AUTS2: variants seen among roughly 807,000 people sequenced by gnomAD.
AUTS2 encodes activator of transcription and developmental regulator AUTS2, also known as autism susceptibility gene 2 protein.
A neutral mutation model predicts 112.4 loss-of-function variants in AUTS2; 17 were observed. The ratio of observed to expected loss-of-function variants is 0.15; its 90% CI spans 0.10 to 0.23. The LOEUF (loss-of-function observed/expected upper bound fraction) is 0.23. Ranked by LOEUF, AUTS2 falls within the 10% of genes least tolerant of loss-of-function variation. The probability of loss-of-function intolerance (pLI) is 1.00; values close to 1 mark genes in which losing one functional copy is unlikely to be tolerated. For synonymous variants in AUTS2, 751 were observed against 702.7 expected, an observed-to-expected ratio of 1.07 and a Z score of -1.09; for missense variants, 1,510 against 1,701.6, an observed-to-expected ratio of 0.89 and a Z score of 1.98.
intron 11 of AUTS2, among the ~76,000 whole-genome samples, chr7:70,773,798 G>A (rs1244784426): frequency 6.6e-6 from 1 of 152,232 alleles, no homozygotes; most frequent in Non-Finnish European, 1.5e-5. Context: ...GCAGTGAAAT[G>A]TTCTGGGGAC....
At chr7:70,745,004 T>C (rs1466813989) in intron 6 of AUTS2, among the ~76,000 whole-genome samples, 1 of 151,358 alleles carries the variant, frequency 6.6e-6, no homozygotes, top group Non-Finnish European at 1.5e-5. Flanking sequence ...CTCAGGAAAA[T>C]GGTGATTTCA....
Position 70,766,174 on chromosome 7 carries a change from G to T in AUTS2, c.1529G>T (p.Arg510Leu). The change falls in exon 9 of 19, where the codon CGC becomes CTC. Residue 510 changes from arginine (R) to leucine (L), a missense_variant. Around this residue, in one of 3 missense-constraint regions of AUTS2, gnomAD observed 187 missense variants for 309.7 expected, o/e 0.60. Coordinates refer to ENST00000342771, the MANE Select transcript of AUTS2 (RefSeq NM_015570.4). The surrounding 1 kb of genome is among the most constrained non-coding windows in gnomAD (Gnocchi z 4.8). ...TTTTTGGCCTCTCAGAGTGCTGACC[G>T]CGGGGCTTCCCTGGGCCCTCCGCCC... ...TRFLASQSAD[R>L]GASLGPPPYL... 6.2e-7 allele frequency: 1 copy of T among 1,614,092 alleles called. No homozygotes were observed. The highest frequency in any genetic ancestry group is 8.5e-7 in the Non-Finnish European group (1 of 1,180,030).
At chr7:70,175,901 AG>A (rs1808961768) in intron 4 of AUTS2, among the ~76,000 whole-genome samples, 1 of 152,178 alleles carries the variant, frequency 6.6e-6, no homozygotes, top group Admixed American at 6.5e-5. Flanking sequence ...GGAAACCAAA[AG>A]TTCATGGGAC....
rs1794893139 is a variant in AUTS2, at chr7:69,899,600, G to GT, written c.522+103dup. On this transcript the variant is annotated intron_variant, in intron 2 of 18. Coordinates refer to ENST00000342771, the MANE Select transcript of AUTS2 (RefSeq NM_015570.4). ...GTAACAGGTGGAGAAGATATCCTTGGTGGGATGCTGAAGTGGTTGTCCAAC... is the reference window on the plus strand; with the variant it reads ...GTAACAGGTGGAGAAGATATCCTTGGTTGGGATGCTGAAGTGGTTGTCCAAC... 28 of 1,103,604 alleles carry GT rather than the reference G, an allele frequency of 2.5e-5. No individual in the cohort carries two copies. In the South Asian group the frequency reaches 3.4e-4, roughly 13 times the overall value. 68.4% of individuals were successfully genotyped at this position (1,103,604 alleles called of 1,614,324 possible).
intron 2 of AUTS2, among the ~76,000 whole-genome samples, chr7:70,038,847 C>T (rs1007463483): frequency 6.6e-6 from 1 of 152,120 alleles, no homozygotes; most frequent in Non-Finnish European, 1.5e-5. Flanking sequence ...TAACCTCTGC[C>T]TCCCGGGTTC....
chr7:69,924,096 T>G (rs751329059), intron 2 of AUTS2, among the ~76,000 whole-genome samples: 2 of 152,206 alleles, frequency 1.3e-5, no homozygotes, highest in African/African-American at 2.4e-5. Context: ...TAGTGCCCTT[T>G]ATTAGGTTGA....
intron 4 of AUTS2, among the ~76,000 whole-genome samples, chr7:70,327,906 T>C (rs1790564318): frequency 6.6e-6 from 1 of 152,188 alleles, no homozygotes; most frequent in Non-Finnish European, 1.5e-5. Context: ...TACTTAGGTA[T>C]CTCCTGTAGC....
chr7:69,981,910 ATTTGTGCTTATC>A (rs1798310213), intron 2 of AUTS2, among the ~76,000 whole-genome samples: 2 of 152,132 alleles, frequency 1.3e-5, no homozygotes, highest in Admixed American at 6.5e-5. Context: ...TGACGGTTGC[ATTTGTGCTTATC>A]TTCTCTTAGT....
intron 2 of AUTS2, among the ~76,000 whole-genome samples, chr7:69,902,203 G>T (rs969386140): frequency 6.6e-6 from 1 of 152,118 alleles, no homozygotes; most frequent in Non-Finnish European, 1.5e-5. Flanking sequence ...CATCTGTTAT[G>T]TGATCATTGG....
chr7:70,722,291 C>CT, intron 6 of AUTS2, among the ~76,000 whole-genome samples: 1 of 152,062 alleles, frequency 6.6e-6, no homozygotes, highest in South Asian at 2.1e-4. Flanking sequence ...CATTTTCAGT[C>CT]TGTGTTCACA....
chr7:70,506,250 G>A (rs559699030), intron 5 of AUTS2, among the ~76,000 whole-genome samples: 10 of 152,278 alleles, frequency 6.6e-5, no homozygotes, highest in South Asian at 6.2e-4. Context: ...GGTGAGGAGC[G>A]AGAGAGCAGA....
chr7:70,686,836 G>A (rs922113628), intron 5 of AUTS2, among the ~76,000 whole-genome samples: 1 of 152,116 alleles, frequency 6.6e-6, no homozygotes, highest in Non-Finnish European at 1.5e-5. Flanking sequence ...CGCCAGACCC[G>A]AAAGCATCTT....
chr7:70,398,849 A>G (rs1794199788), intron 4 of AUTS2, among the ~76,000 whole-genome samples: 1 of 152,130 alleles, frequency 6.6e-6, no homozygotes, highest in Admixed American at 6.5e-5. Context: ...ATTTTCATAT[A>G]TAGCCATTTT....
chr7:70,724,315 C>T (rs28536677), intron 6 of AUTS2, among the ~76,000 whole-genome samples: 1,562 of 152,160 alleles, frequency 0.01, 21 homozygotes, highest in African/African-American at 0.036. Flanking sequence ...ATTTATAACC[C>T]TGCAGGTGTA....
intron 5 of AUTS2, among the ~76,000 whole-genome samples, chr7:70,481,940 G>C (rs955274029): frequency 4.6e-5 from 7 of 152,136 alleles, no homozygotes; most frequent in African/African-American, 1.7e-4. Context: ...GAGGCCATAA[G>C]ATCTCATGGG....
At chr7:70,341,151 T>G (rs1791245336) in intron 4 of AUTS2, among the ~76,000 whole-genome samples, 1 of 152,204 alleles carries the variant, frequency 6.6e-6, no homozygotes, top group Non-Finnish European at 1.5e-5. Flanking sequence ...TCTGTCAGCT[T>G]CCCAATAAAT....
intron 1 of AUTS2, among the ~76,000 whole-genome samples, chr7:69,862,405 G>A (rs1321083775): frequency 6.6e-6 from 1 of 152,174 alleles, no homozygotes; most frequent in African/African-American, 2.4e-5. Context: ...AACTTTTGGG[G>A]GAGGGTTGTT....
intron 4 of AUTS2, among the ~76,000 whole-genome samples, chr7:70,377,416 T>C (rs756795344): frequency 2.9e-5 from 4 of 138,838 alleles, no homozygotes; most frequent in East Asian, 2.1e-4. Flanking sequence ...TAAAATATTG[T>C]AATGGTTAAA....
intron 4 of AUTS2, among the ~76,000 whole-genome samples, chr7:70,209,133 CA>C (rs1810726384): frequency 6.6e-6 from 1 of 152,148 alleles, no homozygotes; most frequent in African/African-American, 2.4e-5. Context: ...AGGATTGTAG[CA>C]GTGAAATGTA....
Sources: gnomAD v4.1 joint callset for allele counts (sites outside exome capture counted in the v4.1 genomes callset) on GRCh38, gnomAD v4.1.1 for gene constraint, gnomAD v4.1.1 regional missense constraint, Gnocchi (gnomAD v3.1) non-coding constraint, MANE v1.5 for transcripts, NCBI Gene and HGNC (gene_info 2026-07-23, HGNC 2026-07-21) for gene names.